Variants in MRAP2 observed in about 807,000 individuals in gnomAD.
The protein encoded by MRAP2 is melanocortin 2 receptor accessory protein 2.
Under a neutral mutation model 17.4 loss-of-function variants are expected in MRAP2, and 20 were observed. That is an observed-to-expected ratio of 1.15 (90% confidence interval 0.81 to 1.67). MRAP2 has a LOEUF of 1.67. Ranked by LOEUF, MRAP2 falls within the 40% of genes most tolerant of loss-of-function variation. MRAP2 has a pLI of 0.00. For missense variants in MRAP2, 238 were observed against 240.0 expected (o/e 0.99, Z 0.05); for synonymous variants, 96 against 88.4 (o/e 1.09, Z -0.48).
At chr6:84,114,943 G>A in the MRAP2 span, among the ~76,000 whole-genome samples, 2 of 152,168 alleles carry the variant, frequency 1.3e-5, no homozygotes, top group Non-Finnish European at 2.9e-5. Context: ...TCCTTTCTCT[G>A]GAAGCTTCGT....
chr6:84,097,781 T>A, the MRAP2 span, among the ~76,000 whole-genome samples: 1 of 152,180 alleles, frequency 6.6e-6, no homozygotes, highest in Non-Finnish European at 1.5e-5. Context: ...TGTCTAGACA[T>A]TTTTTATTAT....
At chr6:84,095,375 T>A (rs2480200), downstream of MRAP2, among the ~76,000 whole-genome samples, 55,087 of 152,134 alleles carry the variant, frequency 0.36, 12,664 homozygotes, top group African/African-American at 0.66. Flanking sequence ...CCTGCTCACT[T>A]TACATGCAGA....
At chr6:84,033,664 TCGCGCTGGGGAGGCGGCTCC>T (rs1321712877), upstream of MRAP2, 40 of 983,134 alleles carry the variant, frequency 4.1e-5, no homozygotes, top group East Asian at 1.1e-4. Context: ...GAGGCGGCTC[TCGCGCTGGGGAGGCGGCTCC>T]CGCGCTGCAG....
At chr6:84,141,107 C>T in the MRAP2 span, among the ~76,000 whole-genome samples, 781 of 150,722 alleles carry the variant, frequency 5.2e-3, 6 homozygotes, top group African/African-American at 0.019. Flanking sequence ...AATGCTCACT[C>T]GCCCCCTGCT....
chr6:84,108,439 G>GT, the MRAP2 span, among the ~76,000 whole-genome samples: 1,182 of 146,588 alleles, frequency 8.1e-3, 10 homozygotes, highest in African/African-American at 0.025. Context: ...GTGATGTTGA[G>GT]TTTTTTTTTT....
At chr6:84,142,323 A>G in the MRAP2 span, among the ~76,000 whole-genome samples, 1 of 152,190 alleles carries the variant, frequency 6.6e-6, no homozygotes, top group Non-Finnish European at 1.5e-5. Flanking sequence ...GTTTTATATT[A>G]TTGTGCCTGT....
chr6:84,071,198 G>C (rs1928282), intron 3 of MRAP2, among the ~76,000 whole-genome samples: 46,775 of 152,046 alleles, frequency 0.31, 8,852 homozygotes, highest in African/African-American at 0.54. Flanking sequence ...GCTTTAAAGA[G>C]GTTCTGTTTT....
At chr6:84,101,929 G>A in the MRAP2 span, among the ~76,000 whole-genome samples, 2 of 152,122 alleles carry the variant, frequency 1.3e-5, no homozygotes, top group Non-Finnish European at 2.9e-5. Flanking sequence ...GGAATTAATT[G>A]CTCTGGAATA....
chr6:84,050,549 C>T (rs1322912966), intron 1 of MRAP2, among the ~76,000 whole-genome samples: 1 of 152,212 alleles, frequency 6.6e-6, no homozygotes, highest in Non-Finnish European at 1.5e-5. Flanking sequence ...TTCTGAAGTT[C>T]CCACCTTGGG....
chr6:84,125,141 G>A, the MRAP2 span: 30 of 1,613,434 alleles, frequency 1.9e-5, no homozygotes, highest in East Asian at 4.5e-5. Flanking sequence ...TGCAGCTCTC[G>A]GAGAACATCT....
the MRAP2 span, among the ~76,000 whole-genome samples, chr6:84,099,113 GT>G: frequency 6.9e-6 from 1 of 145,946 alleles, no homozygotes; most frequent in South Asian, 2.2e-4. Flanking sequence ...TTCATTTTGA[GT>G]TTTTTTCTTA....
chr6:84,101,486 C>T, the MRAP2 span, among the ~76,000 whole-genome samples: 1 of 152,212 alleles, frequency 6.6e-6, no homozygotes, highest in African/African-American at 2.4e-5. Flanking sequence ...GTGTGACACT[C>T]ACCTTGGGTA....
chr6:84,095,454 T>C (rs867014770), downstream of MRAP2, among the ~76,000 whole-genome samples: 21 of 152,294 alleles, frequency 1.4e-4, no homozygotes, highest in African/African-American at 5.1e-4. Flanking sequence ...CATAAGTCAC[T>C]GGGGATTTTT....
intron 3 of MRAP2, among the ~76,000 whole-genome samples, chr6:84,076,933 G>T (rs535419782): frequency 6.6e-6 from 1 of 152,198 alleles, no homozygotes; most frequent in South Asian, 2.1e-4. Context: ...TGTCTTCAGG[G>T]TCACAGAGGT....
chr6:84,137,264 G>A, the MRAP2 span, among the ~76,000 whole-genome samples: 9 of 152,286 alleles, frequency 5.9e-5, no homozygotes, highest in Admixed American at 5.9e-4. Context: ...CATGCCAAGT[G>A]TGGCCTTATG....
chr6:84,088,941 T>A (rs1478803292), intron 3 of MRAP2, 150 bp from the exon 4 acceptor site: 6 of 825,020 alleles, frequency 7.3e-6, no homozygotes, highest in East Asian at 2.7e-5. Flanking sequence ...TTCTCTTATT[T>A]CTCATGTTTG....
At chr6:84,075,411 T>G (rs189622204) in intron 3 of MRAP2, among the ~76,000 whole-genome samples, 1 of 152,312 alleles carries the variant, frequency 6.6e-6, no homozygotes, top group Admixed American at 6.5e-5. Context: ...GAGGCAGCTT[T>G]GATGGGGATT....
At chr6:84,105,265 G>C in the MRAP2 span, among the ~76,000 whole-genome samples, 3 of 152,114 alleles carry the variant, frequency 2.0e-5, no homozygotes, top group African/African-American at 4.8e-5. Context: ...TTTTCATGCT[G>C]CTGATAAAGA....
chr6:84,080,704 T>A (rs753919114), intron 3 of MRAP2, among the ~76,000 whole-genome samples: 12 of 152,170 alleles, frequency 7.9e-5, no homozygotes, highest in Admixed American at 3.3e-4. Context: ...CTGTTAGGAG[T>A]TGTACTTCTG....
Sources: gnomAD v4.1 joint callset for allele counts (sites outside exome capture counted in the v4.1 genomes callset) on GRCh38, gnomAD v4.1.1 for gene constraint, MANE v1.5 for transcripts, NCBI Gene and HGNC (gene_info 2026-07-23, HGNC 2026-07-21) for gene names.